The following ATP13A1 variants were observed in gnomAD, a reference collection of about 807,000 sequenced individuals.
The protein encoded by ATP13A1 is ATPase 13A1.
In ATP13A1, 55 loss-of-function variants were observed where a neutral mutation model predicts 134.8. That is an observed-to-expected ratio of 0.41 (90% CI 0.33 to 0.51). The LOEUF (loss-of-function observed/expected upper bound fraction) is 0.51. ATP13A1 is among the 20% of genes least tolerant of loss of function. The pLI, the probability that ATP13A1 is intolerant of heterozygous loss-of-function variation, is 0.29. For missense variants in ATP13A1, 1,389 were observed against 1,652.8 expected (o/e 0.84, Z 2.77); for synonymous variants, 775 against 725.1 (o/e 1.07, Z -1.10).
rs763513656 is a variant in ATP13A1 at position 19,647,714 on chromosome 19, C to T, written c.2678G>A (p.Arg893Gln). 4.4e-6 allele frequency: 7 copies of T among 1,608,244 alleles called. No homozygotes were observed. The highest frequency in any genetic ancestry group is 3.3e-5 in the South Asian group (3 of 90,686). ...GGTTGGGCTGTCCCGGGGCCGCCGT[C>T]GCCGCTCGACAACCCGCTCAGGGGC... is the stretch of plus-strand genomic sequence containing the variant. ...ANAPERVVER[R>Q]RRPRDSPTLS... Residue 893 changes from arginine (R) to glutamine (Q), a missense_variant, in exon 20 of 26, where the codon CGA (arginine) becomes CAA (glutamine). Around this residue, in one of 4 missense-constraint regions of ATP13A1, gnomAD observed 121 missense variants for 104.9 expected, o/e 1.15. Coordinates refer to ENST00000357324, the MANE Select transcript of ATP13A1 (RefSeq NM_020410.3). The surrounding 1 kb of genome is among the most constrained non-coding windows in gnomAD (Gnocchi z 4.8).
intron 3 of ATP13A1, among the ~76,000 whole-genome samples, chr19:19,659,159 A>G (rs1421005755): frequency 1.3e-5 from 2 of 151,118 alleles, no homozygotes; most frequent in Non-Finnish European, 2.9e-5. Context: ...ACATTTGGCT[A>G]AAAGGGCAGA....
In ATP13A1 at chr19:19,645,278, T is replaced by C; in HGVS notation, c.*144A>G. ...TCTGCTGGCCAAGCCAGCGGATGGC[T>C]GTGGGGGTCCCAGCTCAGTCTTCCA... On this transcript the variant is annotated 3_prime_UTR_variant, in exon 26 of 26. Coordinates refer to ENST00000357324, the MANE Select transcript of ATP13A1 (RefSeq NM_020410.3). The surrounding 1 kb of genome is among the most constrained non-coding windows in gnomAD (Gnocchi z 4.1). 1 of 898,938 alleles carries C rather than the reference T, an allele frequency of 1.1e-6. No individual in the cohort carries two copies. The highest frequency in any genetic ancestry group is 1.7e-6 in the Non-Finnish European group (1 of 589,938). 55.7% of individuals were successfully genotyped at this position (898,938 alleles called of 1,614,324 possible). A position where few individuals can be genotyped will look rare whatever the true frequency, so the allele number is the denominator to read the frequency against.
In ATP13A1 at chr19:19,659,867, C is replaced by G. The variant is rs368332223; in HGVS notation, c.486+31G>C. On this transcript the variant is annotated intron_variant, in intron 2 of 25. Coordinates refer to ENST00000357324, the MANE Select transcript of ATP13A1 (RefSeq NM_020410.3). ...GCGCCTGGGAATCCTACTCAAGCCC[C>G]TCCTCCAGGAGCCCAGCAGGCAGTC... 2,396 of 1,589,636 alleles carry G rather than the reference C, an allele frequency of 1.5e-3. 20 individuals carry two copies. Among genetic ancestry groups the G allele is most frequent in the South Asian group, 9.8e-3 (868 of 88,724 alleles).
intron 19 of ATP13A1, among the ~76,000 whole-genome samples, chr19:19,648,575 A>G (rs977881439): frequency 2.0e-5 from 3 of 151,656 alleles, no homozygotes; most frequent in Non-Finnish European, 4.4e-5. Context: ...TTGGGAGGCC[A>G]ACACAGGCGC....
chr19:19,655,276 C>T lies in ATP13A1; in HGVS notation c.1535-37G>A. 6.2e-7 allele frequency: 1 copy of T among 1,613,950 alleles called. No individual in the cohort carries two copies. The highest frequency in any genetic ancestry group is 8.5e-7 in the Non-Finnish European group (1 of 1,179,870). ...AGTGAGGTCAGGGGTCCTGCTTGGC[C>T]CCAGCCCACTCGGCACCCCATCCCA... On this transcript the variant is annotated intron_variant, in intron 11 of 25. Transcript: ENST00000357324. This position sits in a 1 kb window ranked among gnomAD's most constrained non-coding sequence, Gnocchi z 5.7.
chr19:19,661,125 AAAAC>A (rs1361247627), intron 1 of ATP13A1, among the ~76,000 whole-genome samples: 1 of 152,136 alleles, frequency 6.6e-6, no homozygotes, highest in Non-Finnish European at 1.5e-5. Context: ...AAACAAAACA[AAAAC>A]AAAAACAACA....
At position 19,655,781 on chromosome 19, in the gene ATP13A1, G is replaced by C. The variant is rs2062053544; in HGVS notation, c.1269+97C>G. On this transcript the variant is annotated intron_variant, in intron 9 of 25. Transcript: ENST00000357324. The surrounding 1 kb of genome is among the most constrained non-coding windows in gnomAD (Gnocchi z 5.7). ...CCAGGTCCAGGGCCGTGCTGCCAGA[G>C]TCAGCCCGTGGGGCAGATGTTCTGG... is the stretch of plus-strand genomic sequence containing the variant. 12 of 1,533,066 alleles carry C rather than the reference G, an allele frequency of 7.8e-6. No homozygotes were observed. Among genetic ancestry groups the C allele is most frequent in the South Asian group, 1.2e-5 (1 of 83,122 alleles). The allele number at this position is 1,533,066 out of a possible 1,614,324, so 95.0% of individuals were successfully genotyped here. A position where few individuals can be genotyped will look rare whatever the true frequency, so the allele number is the denominator to read the frequency against.
At chr19:19,651,833 C>T in intron 16 of ATP13A1, 36 bp from the exon 17 acceptor site, 11 of 1,536,046 alleles carry the variant, frequency 7.2e-6, no homozygotes, top group East Asian at 6.8e-5. Context: ...AGCATGGCAC[C>T]CTGGGGCCAA....
In ATP13A1 at chr19:19,656,997, G is replaced by T; in HGVS notation, c.903C>A (p.Ile301=). 3 of 1,596,836 alleles carry T rather than the reference G, an allele frequency of 1.9e-6. No individual in the cohort carries two copies. The highest frequency in any genetic ancestry group is 2.3e-5 in the East Asian group (1 of 44,344). Residue 301 remains isoleucine, a synonymous_variant, in exon 5 of 26, where the codon ATC becomes ATA. Transcript: ENST00000357324. The surrounding 1 kb of genome is among the most constrained non-coding windows in gnomAD (Gnocchi z 4.6). ...IRKMGNKPHM[I]QVYRSRKWRP... ...TGGGTCTCCCTGGCAGCCACACCTG[G>T]ATCATGTGGGGCTTGTTGCCCATCT...
chr19:19,659,489 GTAAA>G (rs1385324927), intron 3 of ATP13A1, 108 bp downstream of exon 3: 24 of 548,680 alleles, frequency 4.4e-5, no homozygotes, highest in Non-Finnish European at 4.8e-5. Flanking sequence ...TAAAATAATA[GTAAA>G]TAAATAAATA....
At chr19:19,646,135 G>C in intron 23 of ATP13A1, 70 bp downstream of exon 23, 1 of 1,606,564 alleles carries the variant, frequency 6.2e-7, no homozygotes, top group East Asian at 2.2e-5. Flanking sequence ...CTCTCCTGCT[G>C]AAGTCTGTGG....
chr19:19,661,345 C>T (rs2062093387), intron 1 of ATP13A1, among the ~76,000 whole-genome samples: 1 of 152,174 alleles, frequency 6.6e-6, no homozygotes, highest in Non-Finnish European at 1.5e-5. Flanking sequence ...CTGCTCACTA[C>T]ACTCCACAGC....
chr19:19,661,338 C>T (rs1050639739), intron 1 of ATP13A1, among the ~76,000 whole-genome samples: 3 of 152,288 alleles, frequency 2.0e-5, no homozygotes, highest in Non-Finnish European at 4.4e-5. Context: ...ACCAACCCTG[C>T]TCACTACACT....
At chr19:19,659,411 G>A (rs986919588) in intron 3 of ATP13A1, among the ~76,000 whole-genome samples, 190 bp downstream of exon 3, 3 of 152,036 alleles carry the variant, frequency 2.0e-5, no homozygotes, top group African/African-American at 7.2e-5. Context: ...AGCTGAGATC[G>A]CGTCACTGCA....
In ATP13A1 at chr19:19,659,737, A is replaced by G; in HGVS notation, c.541T>C (p.Tyr181His). The change falls in exon 3 of 26, where the codon TAC becomes CAC. Residue 181 changes from tyrosine (Y) to histidine (H), a missense_variant. Tyr to His is a moderately conservative substitution (Grantham distance 83). Around this residue, in one of 4 missense-constraint regions of ATP13A1, gnomAD observed 293 missense variants for 270.8 expected, o/e 1.08. Transcript: ENST00000357324. ...SFEFQKIKYS[Y>H]DALEKKQFLP... ...AACTGCTTCTTCTCCAGGGCATCGT[A>G]GGAATACTTGATCTTCTGGAATTCG... The G allele has an allele frequency of 1.2e-6, 2 of 1,613,928 alleles. No homozygotes were observed. Among genetic ancestry groups the G allele is most frequent in the Non-Finnish European group, 1.7e-6 (2 of 1,179,866 alleles).
intron 15 of ATP13A1, 30 bp from the exon 16 acceptor site, chr19:19,652,750 C>T: frequency 6.3e-7 from 1 of 1,583,122 alleles, no homozygotes; most frequent in Non-Finnish European, 8.6e-7. Context: ...CCCTCACCAT[C>T]TGTCCCTCCC....
At chr19:19,658,168 A>C (rs1054146025) in intron 3 of ATP13A1, among the ~76,000 whole-genome samples, 4 of 151,254 alleles carry the variant, frequency 2.6e-5, no homozygotes, top group African/African-American at 9.7e-5. Flanking sequence ...AAAAAAAAAA[A>C]AAAAAGGCTC....
In ATP13A1 at chr19:19,649,756, C is replaced by T; in HGVS notation, c.2520G>A (p.Val840=). 6.2e-7 allele frequency: 1 copy of T among 1,600,884 alleles called. No homozygotes were observed. The change falls in exon 18 of 26, where the codon GTG becomes GTA. Residue 840 remains valine (V), a synonymous_variant. Transcript: ENST00000357324. ...LIPHVQVFAR[V]APKQKEFVIT... ...GTGCACATACCTTCTGCTTGGGAGC[C>T]ACACGGGCGAACACCTGCACATGGG...
chr19:19,646,885 T>C (rs2061989537), intron 22 of ATP13A1: 1 of 552,904 alleles, frequency 1.8e-6, no homozygotes, highest in South Asian at 2.4e-5. Flanking sequence ...TGTGGGGCTC[T>C]GTGGGGCCCA....
Sources: allele counts gnomAD v4.1 joint callset (sites outside exome capture counted in the v4.1 genomes callset), GRCh38; gene constraint gnomAD v4.1.1; regional missense constraint gnomAD v4.1.1; non-coding constraint Gnocchi (gnomAD v3.1); transcripts MANE v1.5; gene names NCBI Gene and HGNC (gene_info 2026-07-23, HGNC 2026-07-21).